MAZ: variants seen among roughly 807,000 people sequenced by gnomAD.
MAZ encodes the protein myc-associated zinc finger protein.
Under a neutral mutation model 32.7 loss-of-function variants are expected in MAZ, and 4 were observed. The observed-to-expected ratio is 0.12, with a 90% CI of 0.06 to 0.28. MAZ has a LOEUF of 0.28. MAZ is among the 10% of genes least tolerant of loss of function. The pLI is 1.00. For synonymous variants in MAZ, 510 were observed against 297.6 expected (o/e 1.71, Z -7.35); for missense variants, 763 against 667.2 (o/e 1.14, Z -1.58).
chr16:29,809,723 A>C (rs1378027773), intron 4 of MAZ: 1 of 1,468,158 alleles, frequency 6.8e-7, no homozygotes, highest in East Asian at 2.4e-5. Flanking sequence ...GACGCCCCCC[A>C]GCCACAGCCC....
Position 29,810,066 on chromosome 16 carries a change from C to G in MAZ, c.1280-11C>G. 1 of 1,602,714 alleles carries G rather than the reference C, an allele frequency of 6.2e-7. No individual in the cohort carries two copies. The highest frequency in any genetic ancestry group is 8.5e-7 in the Non-Finnish European group (1 of 1,174,020). ...GATCGCGCTGTGATCCGTGGTGTTT[C>G]TCCTGTGCAGGTACTGGTGAGGTTT... On this transcript the variant is annotated splice_polypyrimidine_tract_variant and intron_variant, in intron 4 of 4. Transcript: ENST00000322945.
At chr16:29,809,959 CA>C in intron 4 of MAZ, 117 bp from the exon 5 acceptor site, 3 of 1,492,396 alleles carry the variant, frequency 2.0e-6, no homozygotes, top group Non-Finnish European at 2.7e-6. Context: ...CTCTGGGGTC[CA>C]GATAGGAAGT....
In MAZ at chr16:29,811,129, C is replaced by T. The variant is rs1481661557; in HGVS notation, c.*898C>T. On this transcript the variant is annotated 3_prime_UTR_variant, in exon 5 of 5. Transcript: ENST00000322945. Reference sequence around the variant, plus strand: ...CCACCCTCCACCCCTTCCTTTTGCGCGGACCCCATTACAATAAATTTTAAA... The same window carrying T: ...CCACCCTCCACCCCTTCCTTTTGCGTGGACCCCATTACAATAAATTTTAAA... 6.8e-6 allele frequency: 3 copies of T among 444,316 alleles called. No homozygotes were observed. The highest frequency in any genetic ancestry group is 1.6e-5 in the South Asian group (1 of 62,164). The allele number at this position is 444,316 out of a possible 1,614,324, so 27.5% of individuals were successfully genotyped here.
chr16:29,809,758 C>T (rs1434780242), intron 4 of MAZ: 18 of 1,412,706 alleles, frequency 1.3e-5, no homozygotes, highest in Non-Finnish European at 1.7e-5. Flanking sequence ...ACCCCCGCAC[C>T]CACCAGGCAA....
Position 29,811,053 on chromosome 16 carries a change from A to T in MAZ, c.*822A>T, listed in dbSNP as rs1376128667. 32 of 454,776 alleles carry T rather than the reference A, an allele frequency of 7.0e-5. No homozygotes were observed. In the Middle Eastern group the frequency reaches 9.7e-4, roughly 14 times the overall value. The allele number at this position is 454,776 out of a possible 1,614,324, so 28.2% of individuals were successfully genotyped here. A position where few individuals can be genotyped will look rare whatever the true frequency, so the allele number is the denominator to read the frequency against. ...TCATCCCTCTTCCCCACGACAGAAG[A>T]AGTTGTGGCCCTGGCCATGTCATCG... On this transcript the variant is annotated 3_prime_UTR_variant, in exon 5 of 5. Transcript: ENST00000322945.
rs1407157940 is a variant in MAZ at position 29,806,606 on chromosome 16, C to CCCGG, written c.-87_-84dup. ...GGGCCATGCGTTCGGCGCGGCCCAG[C>CCCGG]CCGGCCGGCCGGGGGCGGCGCCCCG... On this transcript the variant is annotated 5_prime_UTR_variant, in exon 1 of 5. The change abolishes the stop of an existing upstream ORF in the 5' untranslated region. Coordinates refer to ENST00000322945, the MANE Select transcript of MAZ (RefSeq NM_002383.4). The CCCGG allele has an allele frequency of 1.0e-6, 1 of 968,280 alleles. No individual in the cohort carries two copies. The highest frequency in any genetic ancestry group is 1.2e-6 in the Non-Finnish European group (1 of 819,650). 60.0% of individuals were successfully genotyped at this position (968,280 alleles called of 1,614,324 possible). A position where few individuals can be genotyped will look rare whatever the true frequency, so the allele number is the denominator to read the frequency against.
intron 4 of MAZ, chr16:29,809,449 G>A: frequency 1.2e-6 from 1 of 816,102 alleles, no homozygotes; most frequent in Non-Finnish European, 2.1e-6. Context: ...AGGGCCATCT[G>A]AGGAGGGCAT....
Position 29,810,232 on chromosome 16 carries a change from G to A in MAZ, c.*1G>A, listed in dbSNP as rs781733910. 3 of 1,586,342 alleles carry A rather than the reference G, an allele frequency of 1.9e-6. No homozygotes were observed. The South Asian group carries it at 3.4e-5, about 18-fold the overall frequency. ...GCCACTTCCCTCCCAACCCTGGTGAGCTCCAAGTTGGTTGCGGGGGAGAGG... is the reference window on the plus strand; with the variant it reads ...GCCACTTCCCTCCCAACCCTGGTGAACTCCAAGTTGGTTGCGGGGGAGAGG... On this transcript the variant is annotated 3_prime_UTR_variant, in exon 5 of 5. Transcript: ENST00000322945.
rs1455321714 is a variant in MAZ, at chr16:29,808,271, C to G, written c.1085C>G (p.Thr362Arg). ...LNSHVRQVHS[T>R]ERPFKCEKCE... ...AGTCACGTCAGACAAGTGCACTCAACAGAACGGCCCTTCAAATGTGAGGTA... is the reference window on the plus strand; with the variant it reads ...AGTCACGTCAGACAAGTGCACTCAAGAGAACGGCCCTTCAAATGTGAGGTA... The change falls in exon 3 of 5, where the codon ACA becomes AGA. Residue 362 changes from threonine to arginine, a missense_variant. Coordinates refer to ENST00000322945, the MANE Select transcript of MAZ (RefSeq NM_002383.4). 1.9e-6 allele frequency: 3 copies of G among 1,614,016 alleles called. No homozygotes were observed. The highest frequency in any genetic ancestry group is 1.3e-5 in the African/African-American group (1 of 74,924).
chr16:29,808,152 C>T (rs1005772879), intron 2 of MAZ, 78 bp from the exon 3 acceptor site: 9 of 1,304,222 alleles, frequency 6.9e-6, no homozygotes, highest in Non-Finnish European at 8.9e-6. Context: ...CAGGGATCCT[C>T]GGAAAGGCCT....
rs1438205162 is a variant in MAZ at position 29,806,777 on chromosome 16, G to A, written c.76G>A (p.Gly26Ser). Residue 26 changes from glycine (G) to serine (S), a missense_variant, in exon 1 of 5, where the codon GGC becomes AGC. Coordinates refer to ENST00000322945, the MANE Select transcript of MAZ (RefSeq NM_002383.4). Reference protein sequence around the residue: ...VLGLDSRGVGGLMNSFPPPQG... With the variant: ...VLGLDSRGVGSLMNSFPPPQG... ...GGGCCTGGACTCCCGGGGGGTGGGCGGCCTCATGAACTCCTTCCCGCCACC... is the reference window on the plus strand; with the variant it reads ...GGGCCTGGACTCCCGGGGGGTGGGCAGCCTCATGAACTCCTTCCCGCCACC... 2.8e-6 allele frequency: 4 copies of A among 1,431,740 alleles called. No homozygotes were observed. The highest frequency in any genetic ancestry group is 3.0e-5 in the East Asian group (1 of 33,482). 88.7% of individuals were successfully genotyped at this position (1,431,740 alleles called of 1,614,324 possible).
chr16:29,811,039 C>A lies in MAZ; in HGVS notation c.*808C>A, dbSNP rs1186763750. ...CTGGTCTTGTCTTTTCATCCCTCTT[C>A]CCCACGACAGAAGAAGTTGTGGCCC... On this transcript the variant is annotated 3_prime_UTR_variant, in exon 5 of 5. Coordinates refer to ENST00000322945, the MANE Select transcript of MAZ (RefSeq NM_002383.4). 1 of 455,250 alleles carries A rather than the reference C, an allele frequency of 2.2e-6. No homozygotes were observed. Among genetic ancestry groups the A allele is most frequent in the Admixed American group, 2.4e-5 (1 of 42,522 alleles). 28.2% of individuals were successfully genotyped at this position (455,250 alleles called of 1,614,324 possible).
chr16:29,806,648 G>GGCCCGCGCC lies in MAZ; in HGVS notation c.-53_-45dup. On this transcript the variant is annotated 5_prime_UTR_variant, in exon 1 of 5. Transcript: ENST00000322945. The stretch of plus-strand genomic sequence containing the variant: ...GGCGCCCCGAGCCCGGGCCCCGCGC[G>GGCCCGCGCC]GCCCGCGCCCCCGGCCCCCGCTGAG... 1.0e-6 allele frequency: 1 copy of GGCCCGCGCC among 979,852 alleles called. No individual in the cohort carries two copies. The highest frequency in any genetic ancestry group is 1.2e-6 in the Non-Finnish European group (1 of 825,362). The allele number at this position is 979,852 out of a possible 1,614,324, so 60.7% of individuals were successfully genotyped here. A position where few individuals can be genotyped will look rare whatever the true frequency, so the allele number is the denominator to read the frequency against.
chr16:29,807,236 G>C lies in MAZ; in HGVS notation c.451G>C (p.Ala151Pro). Residue 151 changes from alanine (A) to proline (P), a missense_variant, in exon 2 of 5, where the codon GCC becomes CCC. Transcript: ENST00000322945. Reference protein sequence around the residue: ...SAPAAEAAPPASAATIAAAAA... With the variant: ...SAPAAEAAPPPSAATIAAAAA... ...GCCCGCGGCCGAGGCCGCGCCCCCC[G>C]CCTCCGCCGCCACTATCGCCGCGGC... The C allele has an allele frequency of 7.3e-7, 1 of 1,378,616 alleles. No homozygotes were observed. Among genetic ancestry groups the C allele is most frequent in the Non-Finnish European group, 9.4e-7 (1 of 1,061,710 alleles). 85.4% of individuals were successfully genotyped at this position (1,378,616 alleles called of 1,614,324 possible).
chr16:29,807,191 C>A lies in MAZ; in HGVS notation c.406C>A (p.Pro136Thr). Residue 136 changes from proline to threonine, a missense_variant, in exon 2 of 5, where the codon CCA (proline) becomes ACA (threonine). Physicochemically the swap from Pro to Thr is conservative, Grantham distance 38. Transcript: ENST00000322945. ...ALKQPPAPPPPPPPVSAPAAE... is the reference protein window; with the variant it reads ...ALKQPPAPPPTPPPVSAPAAE... Reference sequence around the variant, plus strand: ...GAAGCAGCCTCCGGCGCCCCCTCCGCCACCCCCGCCAGTGTCGGCGCCCGC... The same window carrying A: ...GAAGCAGCCTCCGGCGCCCCCTCCGACACCCCCGCCAGTGTCGGCGCCCGC... 8.6e-7 allele frequency: 1 copy of A among 1,160,880 alleles called. No homozygotes were observed. The highest frequency in any genetic ancestry group is 1.1e-6 in the Non-Finnish European group (1 of 924,866). The allele number at this position is 1,160,880 out of a possible 1,614,324, so 71.9% of individuals were successfully genotyped here. A position where few individuals can be genotyped will look rare whatever the true frequency, so the allele number is the denominator to read the frequency against.
In MAZ at chr16:29,808,712, C is replaced by G. The variant is rs778369617; in HGVS notation, c.1250C>G (p.Pro417Arg). The change falls in exon 4 of 5, where the codon CCT becomes CGT. Residue 417 changes from proline (P) to arginine (R), a missense_variant. By Grantham distance (103) the Pro-to-Arg change is moderately radical (BLOSUM62 -2). Coordinates refer to ENST00000322945, the MANE Select transcript of MAZ (RefSeq NM_002383.4). ...SDHMKVHSQG[P>R]HHVCELCNKG... ...CACATGAAGGTGCACAGCCAGGGTC[C>G]TCACCATGTCTGTGAGCTCTGCAAC... 2 of 1,613,934 alleles carry G rather than the reference C, an allele frequency of 1.2e-6. No homozygotes were observed. The highest frequency in any genetic ancestry group is 1.1e-5 in the South Asian group (1 of 91,058).
At position 29,808,682 on chromosome 16, in the gene MAZ, C is replaced by T. The variant is rs1302813435; in HGVS notation, c.1220C>T (p.Ser407Leu). The T allele has an allele frequency of 1.2e-6, 2 of 1,613,980 alleles. No individual in the cohort carries two copies. The highest frequency in any genetic ancestry group is 1.1e-5 in the South Asian group (1 of 91,070). ...CGKMLSSAYI[S>L]DHMKVHSQGP... ...AAGATGCTGAGCTCGGCTTATATTT[C>T]GGACCACATGAAGGTGCACAGCCAG... The change falls in exon 4 of 5, where the codon TCG becomes TTG. Residue 407 changes from serine (S) to leucine (L), a missense_variant. Coordinates refer to ENST00000322945, the MANE Select transcript of MAZ (RefSeq NM_002383.4).
chr16:29,807,797 A>G lies in MAZ; in HGVS notation c.1012A>G (p.Asn338Asp), dbSNP rs746373999. ...SHDGAVHKPY[N>D]CSHCGKSFSR... ...TGACGGCGCTGTGCACAAGCCCTAC[A>G]ACTGCTCCCACTGTGGCAAGAGCTT... is the stretch of plus-strand genomic sequence containing the variant. Residue 338 changes from asparagine to aspartate, a missense_variant, in exon 2 of 5, where the codon AAC becomes GAC. Asn to Asp is a conservative substitution (Grantham distance 23, BLOSUM62 1). Coordinates refer to ENST00000322945, the MANE Select transcript of MAZ (RefSeq NM_002383.4). 1 of 1,610,394 alleles carries G rather than the reference A, an allele frequency of 6.2e-7. No individual in the cohort carries two copies. The highest frequency in any genetic ancestry group is 2.2e-5 in the East Asian group (1 of 44,852).
chr16:29,808,773 G>A (rs1899715869), intron 4 of MAZ, 32 bp downstream of exon 4: 2 of 1,606,774 alleles, frequency 1.2e-6, no homozygotes, highest in South Asian at 1.1e-5. Context: ...GAGGGCCAGG[G>A]GCAGAGGGTG....
Sources: gnomAD v4.1 joint callset for allele counts on GRCh38, gnomAD v4.1.1 for gene constraint, MANE v1.5 for transcripts, NCBI Gene and HGNC (gene_info 2026-07-23, HGNC 2026-07-21) for gene names.